The following SERINC5 variants were observed in gnomAD, a reference collection of about 807,000 sequenced individuals.
The protein encoded by SERINC5 is serine incorporator 5.
A neutral mutation model predicts 63.1 loss-of-function variants in SERINC5; 41 were observed. That is an observed-to-expected ratio of 0.65 (90% CI 0.51 to 0.84). The LOEUF is 0.84. Among genes scored for constraint, SERINC5 ranks in the 40% least tolerant of loss-of-function variants. SERINC5 has a pLI of 0.00. For missense variants in SERINC5, 523 were observed against 573.0 expected (o/e 0.91, Z 0.89); for synonymous variants, 222 against 215.2 (o/e 1.03, Z -0.28).
rs148977065 is a variant in SERINC5 at position 80,177,032 on chromosome 5, C to A, written c.457+283G>T. ...GCTGACAGCCCTGCGCTCCCTGTTGCTGGGTTTTCTGTGCAGTGCTTGGAA... is the reference window on the plus strand; with the variant it reads ...GCTGACAGCCCTGCGCTCCCTGTTGATGGGTTTTCTGTGCAGTGCTTGGAA... On this transcript the variant is annotated intron_variant, in intron 4 of 11. Transcript: ENST00000507668. Among the ~76,000 whole-genome samples, 1,209 of 152,236 alleles carry A rather than the reference C, an allele frequency of 7.9e-3. 22 individuals are homozygous for A. Among genetic ancestry groups the A allele is most frequent in the African/African-American group, 0.028 (1,146 of 41,530 alleles).
intron 7 of SERINC5, among the ~76,000 whole-genome samples, chr5:80,165,441 C>T (rs1747230083): frequency 6.6e-6 from 1 of 152,044 alleles, no homozygotes; most frequent in Non-Finnish European, 1.5e-5. Context: ...TTTATATATG[C>T]TTATGTGTAT....
At chr5:80,133,950 A>C (rs140040987), downstream of SERINC5, among the ~76,000 whole-genome samples, 870 of 152,306 alleles carry the variant, frequency 5.7e-3, 7 homozygotes, top group African/African-American at 0.02. Flanking sequence ...ACAAGACCAG[A>C]TGAACCAATT....
chr5:80,204,134 G>T (rs941745982), intron 1 of SERINC5, among the ~76,000 whole-genome samples: 4 of 152,126 alleles, frequency 2.6e-5, no homozygotes, highest in Non-Finnish European at 5.9e-5. Flanking sequence ...CTGTTCATTT[G>T]TCTCCTTTAT....
chr5:80,242,309 T>TA (rs1044176594), intron 1 of SERINC5, among the ~76,000 whole-genome samples: 22 of 151,674 alleles, frequency 1.5e-4, no homozygotes, highest in African/African-American at 4.8e-4. Context: ...TACCAAATAC[T>TA]AAAAAAAAGA....
intron 1 of SERINC5, among the ~76,000 whole-genome samples, chr5:80,244,890 T>C (rs1752103896): frequency 6.6e-6 from 1 of 151,990 alleles, no homozygotes; most frequent in African/African-American, 2.4e-5. Flanking sequence ...GTGTCGCAGA[T>C]CAAAACTCAT....
chr5:80,211,039 T>C (rs1177607240), intron 1 of SERINC5, among the ~76,000 whole-genome samples: 1 of 152,178 alleles, frequency 6.6e-6, no homozygotes, highest in Non-Finnish European at 1.5e-5. Context: ...CTGTCAACCC[T>C]GCAAGAGGTA....
At chr5:80,192,510 G>A (rs937247122) in intron 2 of SERINC5, among the ~76,000 whole-genome samples, 1 of 152,048 alleles carries the variant, frequency 6.6e-6, no homozygotes, top group Non-Finnish European at 1.5e-5. Context: ...GGGGTGGGAA[G>A]GAATGGAGAG....
chr5:80,149,142 G>C (rs1746011597), intron 9 of SERINC5, among the ~76,000 whole-genome samples: 2 of 152,194 alleles, frequency 1.3e-5, no homozygotes, highest in Non-Finnish European at 2.9e-5. Flanking sequence ...CCCTTGGACT[G>C]AGAAGAAAAA....
At chr5:80,183,894 G>A (rs530857312) in intron 2 of SERINC5, among the ~76,000 whole-genome samples, 1 of 152,280 alleles carries the variant, frequency 6.6e-6, no homozygotes, top group South Asian at 2.1e-4. Flanking sequence ...ACACCGACGC[G>A]CATGAAAGGA....
chr5:80,118,590 C>G (rs1324986133), intron 11 of SERINC5, among the ~76,000 whole-genome samples: 1 of 152,034 alleles, frequency 6.6e-6, no homozygotes, highest in African/African-American at 2.4e-5. Context: ...CTCTGTCCCC[C>G]AGGATGGAGT....
chr5:80,203,115 GCCAGGCA>G lies in SERINC5; in HGVS notation c.28-69_28-63del. ...ATACTGTGATAGAATAAGAAACATG[GCCAGGCA>G]CTGTGGTACACATCTGGAGTCCCTG... is the stretch of plus-strand genomic sequence containing the variant. On this transcript the variant is annotated intron_variant, in intron 1 of 11. Coordinates refer to ENST00000507668, the MANE Select transcript of SERINC5 (RefSeq NM_001174072.3). 2.0e-6 allele frequency: 3 copies of G among 1,470,032 alleles called. No individual in the cohort carries two copies. The South Asian group carries it at 3.7e-5, about 18-fold the overall frequency. 91.1% of individuals were successfully genotyped at this position (1,470,032 alleles called of 1,614,324 possible).
chr5:80,146,223 G>A lies in SERINC5; in HGVS notation c.1105C>T (p.Gln369Ter), dbSNP rs1452626205. Residue 369 changes from glutamine to a stop codon, truncating the protein, a stop_gained, in exon 11 of 12, where the codon CAG becomes TAG. Coordinates refer to ENST00000507668, the MANE Select transcript of SERINC5 (RefSeq NM_001174072.3). LOFTEE classifies it high-confidence loss of function. ...FSPGGEDTEE[Q>*]QPGKEGPRVI... ...CGTGGTCCCTCCTTCCCCGGCTGCT[G>A]CTCTTCAGTGTCTGTGAAGCACAGA... 1.2e-6 allele frequency: 2 copies of A among 1,613,818 alleles called. No homozygotes were observed. Among genetic ancestry groups the A allele is most frequent in the African/African-American group, 1.3e-5 (1 of 74,930 alleles).
At chr5:80,228,296 G>A (rs1751263986) in intron 1 of SERINC5, among the ~76,000 whole-genome samples, 2 of 113,896 alleles carry the variant, frequency 1.8e-5, no homozygotes, top group East Asian at 3.0e-4. Flanking sequence ...GGGAAAGGAG[G>A]GAGGGAGGGA....
intron 5 of SERINC5, among the ~76,000 whole-genome samples, chr5:80,174,525 A>G (rs973386170): frequency 2.6e-5 from 4 of 152,024 alleles, no homozygotes; most frequent in Non-Finnish European, 5.9e-5. Context: ...GAGATAAATG[A>G]AAAAGGGAAG....
At chr5:80,245,747 T>C (rs867078308) in intron 1 of SERINC5, among the ~76,000 whole-genome samples, 9 of 151,910 alleles carry the variant, frequency 5.9e-5, no homozygotes, top group East Asian at 1.9e-4. Flanking sequence ...CCTGAGTATC[T>C]GGGATTACAG....
At chr5:80,150,065 G>T (rs1286587184) in intron 9 of SERINC5, among the ~76,000 whole-genome samples, 1 of 152,176 alleles carries the variant, frequency 6.6e-6, no homozygotes, top group Non-Finnish European at 1.5e-5. Context: ...CCACCTGATG[G>T]AACTGACAAA....
At chr5:80,241,306 T>C (rs928414394) in intron 1 of SERINC5, among the ~76,000 whole-genome samples, 2 of 151,844 alleles carry the variant, frequency 1.3e-5, no homozygotes, top group African/African-American at 4.8e-5. Context: ...CCATCTCTAC[T>C]AAAAATACAA....
chr5:80,195,122 A>C (rs903896457), intron 2 of SERINC5, among the ~76,000 whole-genome samples: 1 of 152,100 alleles, frequency 6.6e-6, no homozygotes, highest in Non-Finnish European at 1.5e-5. Flanking sequence ...CCCTTTCTCT[A>C]CTAAAAATAC....
At chr5:80,136,872 G>C (rs868220309), downstream of SERINC5, among the ~76,000 whole-genome samples, 21 of 151,840 alleles carry the variant, frequency 1.4e-4, no homozygotes, top group Non-Finnish European at 3.0e-4. Context: ...GCAGTGGCTC[G>C]CGCCTGTAAT....
Sources: gnomAD v4.1 joint callset for allele counts (sites outside exome capture counted in the v4.1 genomes callset) on GRCh38, gnomAD v4.1.1 for gene constraint, MANE v1.5 for transcripts, NCBI Gene and HGNC (gene_info 2026-07-23, HGNC 2026-07-21) for gene names.